The following ACTA2 variants were observed in gnomAD, a reference collection of about 807,000 sequenced individuals.
ACTA2 encodes the protein actin, aortic smooth muscle.
Under a neutral mutation model 39.5 loss-of-function variants are expected in ACTA2, and 12 were observed. The ratio of observed to expected loss-of-function variants is 0.30; its 90% CI spans 0.19 to 0.49. ACTA2 has a LOEUF of 0.49. Among genes scored for constraint, ACTA2 ranks in the 20% least tolerant of loss-of-function variants. The pLI is 0.99. For synonymous variants in ACTA2, 158 were observed against 180.6 expected (o/e 0.88, Z 1.00); for missense variants, 236 against 498.8 (o/e 0.47, Z 5.02).
chr10:88,973,363 C>A lies in ACTA2; in HGVS notation c.-24+17576G>T. 9 of 1,460,612 alleles carry A rather than the reference C, an allele frequency of 6.2e-6. No individual in the cohort carries two copies. In the South Asian group the frequency reaches 9.1e-5, roughly 15 times the overall value. 90.5% of individuals were successfully genotyped at this position (1,460,612 alleles called of 1,614,324 possible). On this transcript the variant is annotated intron_variant, in intron 1 of 4. Transcript: ENST00000415557. ...AGGTGATTAGGTAATCCAAGAATTG[C>A]CAGGCGAACAATTGTGAAAATCTTT...
Position 88,935,158 on chromosome 10 carries a change from G to T in ACTA2, c.*65C>A. The T allele has an allele frequency of 6.3e-7, 1 of 1,597,794 alleles. No individual in the cohort carries two copies. The highest frequency in any genetic ancestry group is 8.6e-7 in the Non-Finnish European group (1 of 1,167,838). ...GCTAGGAATGATTTGGAAAAGAACT[G>T]AAGGCATAATTCCACAGGACATTCA... On this transcript the variant is annotated 3_prime_UTR_variant, in exon 9 of 9. Transcript: ENST00000224784.
chr10:88,970,536 G>C (rs1285765861), intron 1 of ACTA2, among the ~76,000 whole-genome samples: 1 of 152,150 alleles, frequency 6.6e-6, no homozygotes, highest in Non-Finnish European at 1.5e-5. Flanking sequence ...CTAGGAGGTA[G>C]GAAGAAGGAC....
At chr10:88,986,396 C>T (rs1390803577) in intron 1 of ACTA2, among the ~76,000 whole-genome samples, 1 of 152,190 alleles carries the variant, frequency 6.6e-6, no homozygotes, top group Admixed American at 6.5e-5. Flanking sequence ...GATGTTTTCA[C>T]CCTACTAACC....
chr10:88,973,487 C>A (rs928843644), intron 1 of ACTA2: 2 of 749,300 alleles, frequency 2.7e-6, no homozygotes, highest in Admixed American at 3.8e-5. Flanking sequence ...TTATCAGTTT[C>A]TCAAGTACTC....
chr10:88,984,135 G>A (rs1320497395), intron 1 of ACTA2, among the ~76,000 whole-genome samples: 1 of 152,174 alleles, frequency 6.6e-6, no homozygotes, highest in African/African-American at 2.4e-5. Flanking sequence ...TTTGTATAGT[G>A]GATGTTGAGC....
intron 8 of ACTA2, 40 bp downstream of exon 8, chr10:88,938,021 T>C (rs1395037681): frequency 8.1e-6 from 13 of 1,611,802 alleles, no homozygotes; most frequent in Non-Finnish European, 1.0e-5. Flanking sequence ...GGGCTGACAC[T>C]GCTGGCGGCA....
At chr10:88,961,646 T>A (rs1326370760) in intron 1 of ACTA2, among the ~76,000 whole-genome samples, 1 of 151,710 alleles carries the variant, frequency 6.6e-6, no homozygotes, top group Non-Finnish European at 1.5e-5. Context: ...GACTTTGCCA[T>A]CAAGATGCTA....
At chr10:88,982,901 C>T (rs1430350152) in intron 1 of ACTA2, among the ~76,000 whole-genome samples, 1 of 152,046 alleles carries the variant, frequency 6.6e-6, no homozygotes, top group Non-Finnish European at 1.5e-5. Flanking sequence ...GTTAATTGGT[C>T]CTTATCTGTT....
intron 1 of ACTA2, among the ~76,000 whole-genome samples, chr10:88,979,044 T>C (rs1327258498): frequency 6.6e-6 from 1 of 152,062 alleles, no homozygotes; most frequent in Non-Finnish European, 1.5e-5. Flanking sequence ...GTTTTATAAA[T>C]CAGAAAACTG....
Position 88,939,637 on chromosome 10 carries a change from T to G in ACTA2, c.678A>C (p.Glu226Asp), listed in dbSNP as rs778833836. The change falls in exon 7 of 9, where the codon GAA becomes GAC. Residue 226 changes from glutamate to aspartate, a missense_variant. Coordinates refer to ENST00000224784, the MANE Select transcript of ACTA2 (RefSeq NM_001613.4). ...EKLCYVALDF[E>D]NEMATAASSS... ...AGGATGCGGCAGTGGCCATCTCATT[T>G]TCAAAGTCCAGAGCTACATAACACA... 9 of 1,613,976 alleles carry G rather than the reference T, an allele frequency of 5.6e-6. No individual in the cohort carries two copies. The highest frequency in any genetic ancestry group is 7.6e-6 in the Non-Finnish European group (9 of 1,179,986).
At chr10:88,979,781 A>G (rs1039871506) in intron 1 of ACTA2, among the ~76,000 whole-genome samples, 4 of 152,000 alleles carry the variant, frequency 2.6e-5, no homozygotes, top group Non-Finnish European at 5.9e-5. Context: ...TTTAGTCCTG[A>G]CTCTCTAATC....
intron 1 of ACTA2, among the ~76,000 whole-genome samples, chr10:88,986,739 T>C (rs76390772): frequency 6.6e-6 from 1 of 151,438 alleles, no homozygotes; most frequent in Non-Finnish European, 1.5e-5. Flanking sequence ...AGGAAGGAAG[T>C]AGTGCAGGAA....
intron 1 of ACTA2, among the ~76,000 whole-genome samples, chr10:88,960,350 C>T (rs753992405): frequency 1.3e-5 from 2 of 152,032 alleles, no homozygotes; most frequent in African/African-American, 2.4e-5. Flanking sequence ...GGTGAACTGG[C>T]GGATTTGCTA....
intron 1 of ACTA2, among the ~76,000 whole-genome samples, chr10:88,951,436 C>A (rs1372481254): frequency 3.3e-5 from 5 of 151,406 alleles, no homozygotes; most frequent in Non-Finnish European, 7.4e-5. Flanking sequence ...GTTGACTATA[C>A]TCAGAAAAAG....
intron 3 of ACTA2, among the ~76,000 whole-genome samples, chr10:88,945,483 T>C (rs1341829327): frequency 6.6e-6 from 1 of 152,248 alleles, no homozygotes; most frequent in African/African-American, 2.4e-5. Flanking sequence ...TATATCTTGC[T>C]GCATTTAAAA....
intron 3 of ACTA2, among the ~76,000 whole-genome samples, chr10:88,946,052 A>G (rs1325106924): frequency 4.6e-5 from 7 of 152,206 alleles, no homozygotes; most frequent in Non-Finnish European, 7.4e-5. Context: ...CATCTACAGA[A>G]CTATCATCCT....
chr10:88,937,238 C>T (rs1845759047), intron 8 of ACTA2, among the ~76,000 whole-genome samples: 1 of 152,208 alleles, frequency 6.6e-6, no homozygotes, highest in Non-Finnish European at 1.5e-5. Context: ...TAGCTGCATA[C>T]TCCTTCTAAA....
intron 1 of ACTA2, among the ~76,000 whole-genome samples, chr10:88,972,818 G>A (rs1846479368): frequency 6.6e-6 from 1 of 152,120 alleles, no homozygotes; most frequent in African/African-American, 2.4e-5. Flanking sequence ...TGCTATCAAA[G>A]TGAGACCCCA....
intron 1 of ACTA2, among the ~76,000 whole-genome samples, chr10:88,963,270 G>A (rs1488237048): frequency 6.6e-6 from 1 of 151,836 alleles, no homozygotes; most frequent in East Asian, 1.9e-4. Flanking sequence ...TGGAGCAAAT[G>A]CCTACTAATG....
Sources: allele counts gnomAD v4.1 joint callset (sites outside exome capture counted in the v4.1 genomes callset), GRCh38; gene constraint gnomAD v4.1.1; transcripts MANE v1.5; gene names NCBI Gene and HGNC (gene_info 2026-07-23, HGNC 2026-07-21).